TBXAS1: variants seen among roughly 807,000 people sequenced by gnomAD.
The protein encoded by TBXAS1 is thromboxane-A synthase.
In TBXAS1, 48 loss-of-function variants were observed where a neutral mutation model predicts 60.7. That is an observed-to-expected ratio of 0.79 (90% CI 0.63 to 1.01). The LOEUF is 1.01. Among genes scored for constraint, TBXAS1 ranks in the 50% least tolerant of loss-of-function variants. The pLI, the probability that TBXAS1 is intolerant of heterozygous loss-of-function variation, is 0.00. For synonymous variants in TBXAS1, 287 were observed against 269.7 expected (o/e 1.06, Z -0.63); for missense variants, 685 against 686.3 (o/e 1.00, Z 0.02).
intron 4 of TBXAS1, among the ~76,000 whole-genome samples, chr7:139,935,936 G>T (rs115429079): frequency 0.012 from 1,777 of 152,252 alleles, 38 homozygotes; most frequent in African/African-American, 0.041. Flanking sequence ...TTGTCTCTAT[G>T]ATGATGACCA....
chr7:139,972,333 G>T (rs1232981774), intron 9 of TBXAS1, among the ~76,000 whole-genome samples: 2 of 152,154 alleles, frequency 1.3e-5, no homozygotes, highest in Non-Finnish European at 2.9e-5. Flanking sequence ...TTGTGGGGTT[G>T]GTTCACATCC....
intron 10 of TBXAS1, among the ~76,000 whole-genome samples, chr7:140,011,593 C>T (rs1196042091): frequency 6.6e-6 from 1 of 152,152 alleles, no homozygotes; most frequent in Non-Finnish European, 1.5e-5. Context: ...GATTTTCAAA[C>T]CCAAATTTCC....
At chr7:139,914,601 C>T (rs953373407) in intron 4 of TBXAS1, among the ~76,000 whole-genome samples, 7 of 152,098 alleles carry the variant, frequency 4.6e-5, no homozygotes, top group South Asian at 2.1e-4. Context: ...GAAAACCCTC[C>T]ACCTCTTCCA....
At chr7:139,813,443 C>T (rs1258048423) in intron 4 of TBXAS1, among the ~76,000 whole-genome samples, 1 of 152,186 alleles carries the variant, frequency 6.6e-6, no homozygotes, top group African/African-American at 2.4e-5. Context: ...ATCTGTTGTC[C>T]GCTTGACTGA....
Position 139,968,180 on chromosome 7 carries a change from T to C in TBXAS1, c.1134+5947T>C, listed in dbSNP as rs896268090. Among the ~76,000 whole-genome samples the C allele has an allele frequency of 3.3e-5, 5 of 152,266 alleles. No individual in the cohort carries two copies. The South Asian group carries it at 8.3e-4, about 25-fold the overall frequency. On this transcript the variant is annotated intron_variant, in intron 9 of 12. Coordinates refer to ENST00000448866, the MANE Select transcript of TBXAS1 (RefSeq NM_001061.7). ...GGGATCTGCCTCCGCACATCCTGTC[T>C]GGCAACATCCCATCTCTCATCCCAT...
Position 140,020,088 on chromosome 7 carries a change from G to A in TBXAS1, c.1591G>A (p.Val531Ile), listed in dbSNP as rs185290287. 1.7e-5 allele frequency: 27 copies of A among 1,613,342 alleles called. No individual in the cohort carries two copies. Among genetic ancestry groups the A allele is most frequent in the African/African-American group, 1.3e-4 (10 of 74,804 alleles). ...AAAAAATGGTGTCTATATCAAGATC[G>A]TATCCCGCTGACACAGAAGGCTGCC... ...GPKNGVYIKI[V>I]SR The change falls in exon 13 of 13, where the codon GTA (valine) becomes ATA (isoleucine). Residue 531 changes from valine to isoleucine, a missense_variant. Val to Ile is a conservative substitution (Grantham distance 29, BLOSUM62 3). Transcript: ENST00000448866.
At chr7:139,848,137 T>A (rs1011939324) in intron 1 of TBXAS1, among the ~76,000 whole-genome samples, 5 of 84,556 alleles carry the variant, frequency 5.9e-5, no homozygotes, top group African/African-American at 3.1e-4. Context: ...ATGTTTTACT[T>A]ATTTATTTAT....
At chr7:139,969,952 C>T (rs1811070468) in intron 9 of TBXAS1, among the ~76,000 whole-genome samples, 1 of 152,186 alleles carries the variant, frequency 6.6e-6, no homozygotes, top group South Asian at 2.1e-4. Context: ...AGCGTCACTG[C>T]AGCGTGAGAA....
chr7:139,893,325 GACACAC>G (rs71170920), intron 3 of TBXAS1, among the ~76,000 whole-genome samples: 79 of 139,972 alleles, frequency 5.6e-4, no homozygotes, highest in East Asian at 1.1e-3. Context: ...CTATGGAATA[GACACAC>G]ACACACACAC....
chr7:139,991,178 C>T (rs1272047108), intron 9 of TBXAS1, among the ~76,000 whole-genome samples: 2 of 152,140 alleles, frequency 1.3e-5, no homozygotes, highest in Non-Finnish European at 2.9e-5. Context: ...TGTTCCAAAA[C>T]CTTGTTTAAG....
At chr7:139,804,713 A>G (rs945754848) in intron 4 of TBXAS1, among the ~76,000 whole-genome samples, 2 of 152,210 alleles carry the variant, frequency 1.3e-5, no homozygotes, top group South Asian at 2.1e-4. Flanking sequence ...TGATGGTTCT[A>G]TAAACGGCAG....
intron 9 of TBXAS1, among the ~76,000 whole-genome samples, chr7:139,979,340 A>T (rs774953397): frequency 3.9e-5 from 6 of 152,336 alleles, no homozygotes; most frequent in Non-Finnish European, 7.3e-5. Flanking sequence ...ACAAAGAAAT[A>T]CTATTAAGTC....
chr7:139,826,985 T>C (rs888577353), upstream of TBXAS1, among the ~76,000 whole-genome samples: 7 of 152,100 alleles, frequency 4.6e-5, no homozygotes, highest in African/African-American at 1.7e-4. Context: ...GAGGGTCAGG[T>C]GTGGTCCTCC....
At chr7:140,005,264 A>G (rs972892993) in intron 9 of TBXAS1, among the ~76,000 whole-genome samples, 1 of 152,154 alleles carries the variant, frequency 6.6e-6, no homozygotes, top group African/African-American at 2.4e-5. Flanking sequence ...CCCCATCTCT[A>G]CTAAAAATAC....
chr7:139,922,080 T>C (rs1363937988), intron 4 of TBXAS1, among the ~76,000 whole-genome samples: 2 of 152,006 alleles, frequency 1.3e-5, no homozygotes, highest in Non-Finnish European at 2.9e-5. Flanking sequence ...GACCATGTCA[T>C]TGAGAACTTT....
chr7:139,867,927 A>G (rs558102870), intron 1 of TBXAS1, among the ~76,000 whole-genome samples: 1 of 152,346 alleles, frequency 6.6e-6, no homozygotes, highest in South Asian at 2.1e-4. Context: ...CCTGATTTTG[A>G]GAATGATCCA....
rs1813885435 is a variant in TBXAS1 at position 140,004,111 on chromosome 7, T to C, written c.1135-2980T>C. Among the ~76,000 whole-genome samples, 1 of 152,266 alleles carries C rather than the reference T, an allele frequency of 6.6e-6. No homozygotes were observed. Among genetic ancestry groups the C allele is most frequent in the Non-Finnish European group, 1.5e-5 (1 of 68,044 alleles). On this transcript the variant is annotated intron_variant, in intron 9 of 12. Coordinates refer to ENST00000448866, the MANE Select transcript of TBXAS1 (RefSeq NM_001061.7). This position sits in a 1 kb window ranked among gnomAD's most constrained non-coding sequence, Gnocchi z 5.1. ...TTCCCTGTGTTCAATCGCCACCTGCTGGAGAAAAACTTTTTTCTTTGTCCC... is the reference window on the plus strand; with the variant it reads ...TTCCCTGTGTTCAATCGCCACCTGCCGGAGAAAAACTTTTTTCTTTGTCCC...
At chr7:139,855,450 A>G (rs1199531761) in intron 1 of TBXAS1, among the ~76,000 whole-genome samples, 1 of 151,898 alleles carries the variant, frequency 6.6e-6, no homozygotes, top group Non-Finnish European at 1.5e-5. Context: ...GGCTTTGGGA[A>G]GTAGTGAAAG....
chr7:139,882,668 A>C (rs957025272), intron 3 of TBXAS1, among the ~76,000 whole-genome samples: 5 of 152,248 alleles, frequency 3.3e-5, no homozygotes, highest in African/African-American at 1.2e-4. Flanking sequence ...AAACAGTGGA[A>C]TTAAGCACAG....
Sources: gnomAD v4.1 joint callset for allele counts (sites outside exome capture counted in the v4.1 genomes callset) on GRCh38, gnomAD v4.1.1 for gene constraint, Gnocchi (gnomAD v3.1) non-coding constraint, MANE v1.5 for transcripts, NCBI Gene and HGNC (gene_info 2026-07-23, HGNC 2026-07-21) for gene names.